The following GDPD4 variants were observed in gnomAD, a reference collection of about 807,000 sequenced individuals.
The protein encoded by GDPD4 is glycerophosphodiester phosphodiesterase domain containing 4.
GDPD4 carries 60 observed loss-of-function variants against 67.8 expected under a neutral mutation model. That is an observed-to-expected ratio of 0.88 (90% CI 0.72 to 1.10). The LOEUF is 1.10. Among genes scored for constraint, GDPD4 ranks in the 50% least tolerant of loss-of-function variants. GDPD4 has a pLI of 0.00. For missense variants in GDPD4, 623 were observed against 613.9 expected (o/e 1.01, Z -0.16); for synonymous variants, 212 against 210.9 (o/e 1.00, Z -0.04).
intron 10 of GDPD4, among the ~76,000 whole-genome samples, chr11:77,260,917 A>T (rs1162711526): frequency 6.6e-6 from 1 of 152,228 alleles, no homozygotes; most frequent in Non-Finnish European, 1.5e-5. Flanking sequence ...CCTGTAAGGC[A>T]ATGATCAAGC....
At chr11:77,282,889 A>C (rs1354768860) in intron 3 of GDPD4, among the ~76,000 whole-genome samples, 1 of 152,230 alleles carries the variant, frequency 6.6e-6, no homozygotes, top group African/African-American at 2.4e-5. Flanking sequence ...AGAAACTTCC[A>C]AAACATGAGC....
At chr11:77,267,137 T>C (rs1336531916) in intron 10 of GDPD4, among the ~76,000 whole-genome samples, 1 of 152,212 alleles carries the variant, frequency 6.6e-6, no homozygotes, top group African/African-American at 2.4e-5. Flanking sequence ...TATATTTAGA[T>C]ACAGAAATAC....
In GDPD4 at chr11:77,285,297, C is replaced by T. The variant is rs1428417924; in HGVS notation, c.-50-110G>A. The T allele has an allele frequency of 1.3e-5, 8 of 617,098 alleles. No homozygotes were observed. The African/African-American group carries it at 1.5e-4, about 11-fold the overall frequency. The allele number at this position is 617,098 out of a possible 1,614,324, so 38.2% of individuals were successfully genotyped here. A position where few individuals can be genotyped will look rare whatever the true frequency, so the allele number is the denominator to read the frequency against. ...CATAGTTGCACTGCCATGCATTACC[C>T]TCCTGAGGCTGGAGTGATCACTCTC... On this transcript the variant is annotated intron_variant, in intron 2 of 16. Transcript: ENST00000315938.
At chr11:77,228,255 T>C (rs950815931) in intron 15 of GDPD4, among the ~76,000 whole-genome samples, 1 of 151,628 alleles carries the variant, frequency 6.6e-6, no homozygotes, top group Non-Finnish European at 1.5e-5. Flanking sequence ...TCCCGGCACT[T>C]TGGGAGGCCG....
Position 77,216,909 on chromosome 11 carries a change from C to G in GDPD4, c.*368G>C. On this transcript the variant is annotated 3_prime_UTR_variant, in exon 17 of 17. Transcript: ENST00000315938. ...ACATAGGATTATTTGGAGTATTCAG[C>G]CATGGGGATCTCTTAGAGGTCTCTT... is the stretch of plus-strand genomic sequence containing the variant. 2 of 696,440 alleles carry G rather than the reference C, an allele frequency of 2.9e-6. No homozygotes were observed. Among genetic ancestry groups the G allele is most frequent in the Non-Finnish European group, 5.2e-6 (2 of 381,868 alleles). 43.1% of individuals were successfully genotyped at this position (696,440 alleles called of 1,614,324 possible).
In GDPD4 at chr11:77,281,531, A is replaced by G. The variant is rs138726070; in HGVS notation, c.54-2132T>C. 2.6e-5 allele frequency among the ~76,000 whole-genome samples: 4 copies of G among 152,362 alleles called. 1 individual carries two copies. The East Asian group carries it at 7.7e-4, about 29-fold the overall frequency. On this transcript the variant is annotated intron_variant, in intron 3 of 16. Coordinates refer to ENST00000315938, the MANE Select transcript of GDPD4 (RefSeq NM_182833.3). Reference sequence around the variant, plus strand: ...TGAAAAATCTAAATGAAAGCATCAGATATCTACCAGACAGTGAAGAACTAT... The same window carrying G: ...TGAAAAATCTAAATGAAAGCATCAGGTATCTACCAGACAGTGAAGAACTAT...
Position 77,260,332 on chromosome 11 carries a change from G to T in GDPD4, c.708-1790C>A, listed in dbSNP as rs555623054. Among the ~76,000 whole-genome samples the T allele has an allele frequency of 1.5e-4, 22 of 150,796 alleles. No individual in the cohort carries two copies. In the East Asian group the frequency reaches 3.5e-3, roughly 24 times the overall value. On this transcript the variant is annotated intron_variant, in intron 10 of 16. Transcript: ENST00000315938. ...AGAAAAAAAAATGGTCGGGGGAGGGGGGGGAATAATTTAGAACTACAATGG... is the reference window on the plus strand; with the variant it reads ...AGAAAAAAAAATGGTCGGGGGAGGGTGGGGAATAATTTAGAACTACAATGG...
At chr11:77,232,455 C>T (rs1449018970) in intron 14 of GDPD4, among the ~76,000 whole-genome samples, 1 of 152,172 alleles carries the variant, frequency 6.6e-6, no homozygotes, top group African/African-American at 2.4e-5. Context: ...TGGCTGGGAT[C>T]GTAAACCAGG....
chr11:77,217,691 CAT>C, intron 16 of GDPD4, among the ~76,000 whole-genome samples: 1 of 152,284 alleles, frequency 6.6e-6, no homozygotes, highest in Admixed American at 6.5e-5. Context: ...TTTGCCACTA[CAT>C]ATACAGTGCT....
chr11:77,258,673 G>A, intron 10 of GDPD4, 131 bp from the exon 11 acceptor site: 1 of 734,880 alleles, frequency 1.4e-6, no homozygotes, highest in South Asian at 1.8e-5. Flanking sequence ...TCAAATCTTA[G>A]AAAAGGGCTA....
intron 1 of GDPD4, among the ~76,000 whole-genome samples, chr11:77,298,526 G>A (rs1016835556): frequency 1.3e-5 from 2 of 152,136 alleles, no homozygotes; most frequent in Admixed American, 6.5e-5. Flanking sequence ...ACATTTTCTG[G>A]TTGACAATGG....
intron 12 of GDPD4, 110 bp downstream of exon 12, chr11:77,245,171 A>T: frequency 2.7e-6 from 2 of 747,918 alleles, no homozygotes; most frequent in Non-Finnish European, 2.3e-6. Flanking sequence ...AAGTAAAATT[A>T]CTTAAGGATC....
rs967536536 is a variant in GDPD4, at chr11:77,271,499, C to T, written c.208-106G>A. 8 of 665,586 alleles carry T rather than the reference C, an allele frequency of 1.2e-5. No homozygotes were observed. The Admixed American group carries it at 1.3e-4, about 11-fold the overall frequency. The allele number at this position is 665,586 out of a possible 1,614,324, so 41.2% of individuals were successfully genotyped here. A position where few individuals can be genotyped will look rare whatever the true frequency, so the allele number is the denominator to read the frequency against. On this transcript the variant is annotated intron_variant, in intron 5 of 16. Transcript: ENST00000315938. ...TTCACAATGTCAGGGACCTTATCTG[C>T]TTCCTCATTCTTTTACCATAATAAT...
intron 11 of GDPD4, among the ~76,000 whole-genome samples, chr11:77,247,053 C>G (rs1383079524): frequency 1.3e-5 from 2 of 152,306 alleles, no homozygotes; most frequent in African/African-American, 4.8e-5. Flanking sequence ...CCTATTTCTT[C>G]TTCTTCTTCC....
chr11:77,233,014 A>G lies in GDPD4; in HGVS notation c.1389+11T>C. 6.2e-7 allele frequency: 1 copy of G among 1,613,704 alleles called. No homozygotes were observed. The highest frequency in any genetic ancestry group is 1.3e-5 in the African/African-American group (1 of 75,044). On this transcript the variant is annotated intron_variant, in intron 14 of 16. Transcript: ENST00000315938. ...CCAAGCCTGGAAGAACAATCTGGAC[A>G]ACCAGCTCACCATGAAGAAGTGAGG...
At chr11:77,222,984 T>C (rs764016844) in intron 16 of GDPD4, among the ~76,000 whole-genome samples, 2 of 152,348 alleles carry the variant, frequency 1.3e-5, no homozygotes, top group Non-Finnish European at 2.9e-5. Context: ...CTTCAATCAC[T>C]GATACCCTTT....
intron 5 of GDPD4, 117 bp downstream of exon 5, chr11:77,276,044 G>C: frequency 1.4e-6 from 1 of 705,940 alleles, no homozygotes; most frequent in Non-Finnish European, 2.5e-6. Context: ...TCTCCAAGGA[G>C]AACAGTAACA....
intron 11 of GDPD4, among the ~76,000 whole-genome samples, chr11:77,256,186 A>G (rs1180304064): frequency 6.6e-6 from 1 of 152,248 alleles, no homozygotes; most frequent in Non-Finnish European, 1.5e-5. Context: ...GTAAATCCTA[A>G]TAAGACTTTT....
intron 16 of GDPD4, among the ~76,000 whole-genome samples, chr11:77,225,960 C>CAAAT (rs112466991): frequency 0.016 from 2,441 of 152,220 alleles, 24 homozygotes; most frequent in African/African-American, 0.025. Context: ...TTGAGGTACC[C>CAAAT]AAATAGCTTT....
Sources: gnomAD v4.1 joint callset for allele counts (sites outside exome capture counted in the v4.1 genomes callset) on GRCh38, gnomAD v4.1.1 for gene constraint, MANE v1.5 for transcripts, NCBI Gene and HGNC (gene_info 2026-07-23, HGNC 2026-07-21) for gene names.